Variants in EXPH5 observed in about 807,000 individuals in gnomAD.
EXPH5 encodes the protein exophilin-5.
A neutral mutation model predicts 41.1 loss-of-function variants in EXPH5; 42 were observed. The ratio of observed to expected loss-of-function variants is 1.02; its 90% CI spans 0.80 to 1.32. The LOEUF is 1.32. Ranked by LOEUF, EXPH5 falls within the 40% of genes most tolerant of loss-of-function variation. The pLI is 0.00. For missense variants in EXPH5, 2,298 were observed against 2,314.5 expected (o/e 0.99, Z 0.15); for synonymous variants, 798 against 833.5 (o/e 0.96, Z 0.73).
At chr11:108,537,776 T>G (rs1310197330) in intron 3 of EXPH5, among the ~76,000 whole-genome samples, 1 of 152,218 alleles carries the variant, frequency 6.6e-6, no homozygotes, top group East Asian at 1.9e-4. Flanking sequence ...CTATACAACA[T>G]TCTGCCTTAA....
In EXPH5 at chr11:108,591,974, A is replaced by G. The variant is rs527887664; in HGVS notation, c.119+1444T>C. Among the ~76,000 whole-genome samples, 17 of 152,340 alleles carry G rather than the reference A, an allele frequency of 1.1e-4. No homozygotes were observed. The South Asian group carries it at 3.5e-3, about 32-fold the overall frequency. Reference sequence around the variant, plus strand: ...AGAGACAAGAAACATTTCCAATAACACACACTGAGAATAACCGCAGTTTCT... The same window carrying G: ...AGAGACAAGAAACATTTCCAATAACGCACACTGAGAATAACCGCAGTTTCT... On this transcript the variant is annotated intron_variant, in intron 1 of 5. Transcript: ENST00000265843.
At chr11:108,526,186 G>T (rs910435141) in intron 4 of EXPH5, among the ~76,000 whole-genome samples, 1 of 151,988 alleles carries the variant, frequency 6.6e-6, no homozygotes, top group South Asian at 2.1e-4. Flanking sequence ...GCCTCCCAAA[G>T]TGTTGAGATT....
chr11:108,545,729 C>G (rs942279462), intron 1 of EXPH5, among the ~76,000 whole-genome samples: 1 of 151,990 alleles, frequency 6.6e-6, no homozygotes, highest in African/African-American at 2.4e-5. Flanking sequence ...ATAGCGAAAA[C>G]CCACTTCTAC....
chr11:108,536,109 G>A (rs766208367), intron 3 of EXPH5, among the ~76,000 whole-genome samples: 1 of 152,164 alleles, frequency 6.6e-6, no homozygotes, highest in South Asian at 2.1e-4. Context: ...TATTGGCTAG[G>A]AATGTATACA....
chr11:108,511,667 T>C lies in EXPH5; in HGVS notation c.3840A>G (p.Glu1280=), dbSNP rs931520889. The part of the protein sequence containing the change: ...QYTQNTNLLI[E]SPQVETETFP... ...ATGTTTCAGTCTCCACTTGAGGTGA[T>C]TCTATAAGTAAATTAGTATTTTGTG... The change falls in exon 6 of 6, where the codon GAA becomes GAG. Residue 1280 remains glutamate (E), a synonymous_variant. Transcript: ENST00000265843. The C allele has an allele frequency of 3.1e-6, 5 of 1,603,582 alleles. No homozygotes were observed. Among genetic ancestry groups the C allele is most frequent in the Non-Finnish European group, 4.2e-6 (5 of 1,177,222 alleles).
Position 108,545,600 on chromosome 11 carries a change from G to A in EXPH5, c.120-3788C>T, listed in dbSNP as rs142358277. Among the ~76,000 whole-genome samples, 432 of 152,042 alleles carry A rather than the reference G, an allele frequency of 2.8e-3. 2 individuals are homozygous for A. The highest frequency in any genetic ancestry group is 1.0e-2 in the African/African-American group (414 of 41,490). On this transcript the variant is annotated intron_variant, in intron 1 of 5. Coordinates refer to ENST00000265843, the MANE Select transcript of EXPH5 (RefSeq NM_015065.3). ...CTGGGGTGGGAGTGTGTGTGGGGGG[G>A]AAACAATAAAAAAGTAAATAAGGCT... is the stretch of plus-strand genomic sequence containing the variant.
In EXPH5 at chr11:108,509,427, C is replaced by A; in HGVS notation, c.*110G>T. The A allele has an allele frequency of 9.7e-7, 1 of 1,026,128 alleles. No homozygotes were observed. 63.6% of individuals were successfully genotyped at this position (1,026,128 alleles called of 1,614,324 possible). On this transcript the variant is annotated 3_prime_UTR_variant, in exon 6 of 6. Transcript: ENST00000265843. ...AAAGGAGATGTGGGACATTTCAGAGCAGACACTGCCCAGACTAGATCTTTT... is the reference window on the plus strand; with the variant it reads ...AAAGGAGATGTGGGACATTTCAGAGAAGACACTGCCCAGACTAGATCTTTT...
chr11:108,540,763 G>A (rs1458931121), intron 2 of EXPH5, among the ~76,000 whole-genome samples: 2 of 151,952 alleles, frequency 1.3e-5, no homozygotes, highest in Non-Finnish European at 2.9e-5. Flanking sequence ...CCAGAAGTGT[G>A]GCAGCTCCTC....
At chr11:108,599,393 T>C in the EXPH5 span, among the ~76,000 whole-genome samples, 1 of 152,220 alleles carries the variant, frequency 6.6e-6, no homozygotes, top group African/African-American at 2.4e-5. Context: ...ATAGTTATAA[T>C]CACAATTGTG....
intron 1 of EXPH5, among the ~76,000 whole-genome samples, chr11:108,561,748 C>T (rs1203640547): frequency 6.6e-6 from 1 of 152,158 alleles, no homozygotes; most frequent in African/African-American, 2.4e-5. Flanking sequence ...GTAAGACAAA[C>T]TAAAGTGACA....
chr11:108,547,099 C>T (rs1188567484), intron 1 of EXPH5, among the ~76,000 whole-genome samples: 1 of 152,122 alleles, frequency 6.6e-6, no homozygotes, highest in Non-Finnish European at 1.5e-5. Context: ...CTGCGCCTGG[C>T]CATGCATTTT....
At chr11:108,588,857 G>C (rs1006168303) in intron 1 of EXPH5, among the ~76,000 whole-genome samples, 2 of 152,182 alleles carry the variant, frequency 1.3e-5, no homozygotes, top group African/African-American at 2.4e-5. Flanking sequence ...TGTGTGTATT[G>C]CCTGTGGGGA....
chr11:108,534,683 G>A (rs2093867507), intron 3 of EXPH5, among the ~76,000 whole-genome samples: 1 of 152,148 alleles, frequency 6.6e-6, no homozygotes, highest in Non-Finnish European at 1.5e-5. Flanking sequence ...TGTTTTCCTG[G>A]CAGGAACATC....
intron 1 of EXPH5, among the ~76,000 whole-genome samples, chr11:108,585,280 A>G (rs930593901): frequency 6.6e-6 from 1 of 152,230 alleles, no homozygotes; most frequent in African/African-American, 2.4e-5. Context: ...AAGAACTACT[A>G]TGCTCTTGTC....
rs755797597 is a variant in EXPH5, at chr11:108,513,209, TG to T, written c.2297del (p.Ser766Ter). 1.9e-6 allele frequency: 3 copies of T among 1,613,994 alleles called. No homozygotes were observed. Among genetic ancestry groups the T allele is most frequent in the African/African-American group, 2.7e-5 (2 of 74,916 alleles). On this transcript the variant is annotated frameshift_variant, in exon 6 of 6. Transcript: ENST00000265843. LOFTEE classifies it low-confidence loss of function (END_TRUNC). ...FGFNASTIIS[S>X]KKSPRVFSRK... ...TGGAAAAGACTCTGGGTGACTTTTT[TG>T]AACTTATTATGGTAGATGCATTAAA...
At chr11:108,588,986 T>C (rs2094121081) in intron 1 of EXPH5, among the ~76,000 whole-genome samples, 1 of 152,184 alleles carries the variant, frequency 6.6e-6, no homozygotes, top group African/African-American at 2.4e-5. Context: ...AGATCCGTGG[T>C]GTGTTAATCT....
chr11:108,566,692 T>G (rs1289700197), intron 1 of EXPH5, among the ~76,000 whole-genome samples: 7 of 151,646 alleles, frequency 4.6e-5, no homozygotes, highest in South Asian at 2.1e-4. Flanking sequence ...ATCTCTAAAA[T>G]AAATAAATAA....
intron 3 of EXPH5, among the ~76,000 whole-genome samples, chr11:108,532,859 C>A (rs759178355): frequency 2.6e-5 from 4 of 152,130 alleles, no homozygotes; most frequent in Non-Finnish European, 4.4e-5. Context: ...TCTCCGGGAG[C>A]CCTACCTGGA....
At chr11:108,604,105 A>G in the EXPH5 span, among the ~76,000 whole-genome samples, 2 of 151,718 alleles carry the variant, frequency 1.3e-5, no homozygotes, top group African/African-American at 4.8e-5. Flanking sequence ...AATTGAAGAA[A>G]GGGCTGAATA....
Sources: allele counts gnomAD v4.1 joint callset (sites outside exome capture counted in the v4.1 genomes callset), GRCh38; gene constraint gnomAD v4.1.1; transcripts MANE v1.5; gene names NCBI Gene and HGNC (gene_info 2026-07-23, HGNC 2026-07-21).